The following BAHCC1 variants were observed in gnomAD, a reference collection of about 807,000 sequenced individuals.
BAHCC1 encodes the protein BAH and coiled-coil domain-containing protein 1.
In BAHCC1, 43 loss-of-function variants were observed where a neutral mutation model predicts 88.2. The observed-to-expected ratio is 0.49, with a 90% CI of 0.38 to 0.63. BAHCC1 has a LOEUF of 0.63. Ranked by LOEUF, BAHCC1 falls within the 20% of genes least tolerant of loss-of-function variation. BAHCC1 has a pLI of 0.00. For missense variants in BAHCC1, 3,023 were observed against 1,654.8 expected (o/e 1.83, Z -14.34); for synonymous variants, 1,510 against 745.5 (o/e 2.03, Z -16.71).
chr17:81,403,906 G>A (rs553459934), intron 2 of BAHCC1, among the ~76,000 whole-genome samples: 222 of 152,370 alleles, frequency 1.5e-3, no homozygotes, highest in Non-Finnish European at 2.2e-3. Flanking sequence ...AGTGGGGCTC[G>A]TGCTGCCACC....
At chr17:81,432,857 A>C (rs1399099924) in intron 3 of BAHCC1, among the ~76,000 whole-genome samples, 3 of 2,522 alleles carry the variant, frequency 1.2e-3, no homozygotes, top group African/African-American at 7.8e-3. Flanking sequence ...CCCCAGGCCC[A>C]CCCTTCCCCC....
intron 2 of BAHCC1, among the ~76,000 whole-genome samples, chr17:81,417,412 GAGA>G (rs1449823786): frequency 6.6e-6 from 1 of 152,070 alleles, no homozygotes; most frequent in South Asian, 2.1e-4. Context: ...AGAGACATGG[GAGA>G]AGGTGTGAAG....
In BAHCC1 at chr17:81,447,223, C is replaced by G. The variant is rs548323096; in HGVS notation, c.3351C>G (p.Pro1117=). The G allele has an allele frequency of 5.6e-5, 41 of 738,124 alleles. No homozygotes were observed. The highest frequency in any genetic ancestry group is 3.1e-4 in the Admixed American group (16 of 52,136). The allele number at this position is 738,124 out of a possible 1,614,324, so 45.7% of individuals were successfully genotyped here. ...PPCSPRSLEE[P]GLLSGAREAT... is the part of the protein sequence containing the mutation. Reference sequence around the variant, plus strand: ...GCAGCCCCAGGAGCCTGGAGGAGCCCGGGCTGCTCTCAGGGGCCAGGGAGG... The same window carrying G: ...GCAGCCCCAGGAGCCTGGAGGAGCCGGGGCTGCTCTCAGGGGCCAGGGAGG... Residue 1117 remains proline (P), a synonymous_variant, in exon 11 of 28, where the codon CCC becomes CCG. Coordinates refer to ENST00000675386, the MANE Select transcript of BAHCC1 (RefSeq NM_001377448.1).
At chr17:81,408,984 G>A (rs1442906517) in intron 2 of BAHCC1, among the ~76,000 whole-genome samples, 3 of 152,242 alleles carry the variant, frequency 2.0e-5, no homozygotes, top group African/African-American at 4.8e-5. Context: ...GTGTGTGGGT[G>A]TGAAGAGCTC....
In BAHCC1 at chr17:81,447,384, C is replaced by G. The variant is rs1555654806; in HGVS notation, c.3512C>G (p.Thr1171Ser). The G allele has an allele frequency of 9.5e-6, 7 of 737,792 alleles. No individual in the cohort carries two copies. Among genetic ancestry groups the G allele is most frequent in the Admixed American group, 1.9e-5 (1 of 51,854 alleles). 45.7% of individuals were successfully genotyped at this position (737,792 alleles called of 1,614,324 possible). A position where few individuals can be genotyped will look rare whatever the true frequency, so the allele number is the denominator to read the frequency against. ...CTGGAGGCAGGGGGCCCCGAGGCCA[C>G]CGGCCAGGCTCATTCTACTCAGGGA... ...ALLEAGGPEA[T>S]GQAHSTQGGA... The change falls in exon 11 of 28, where the codon ACC becomes AGC. Residue 1171 changes from threonine to serine, a missense_variant. By Grantham distance (58) the Thr-to-Ser change is moderately conservative (BLOSUM62 1). Transcript: ENST00000675386.
At chr17:81,417,555 A>ACCCCCCCCCC (rs58215427) in intron 2 of BAHCC1, among the ~76,000 whole-genome samples, 20 of 131,412 alleles carry the variant, frequency 1.5e-4, no homozygotes, top group African/African-American at 4.7e-4. Context: ...AGCGTCGGCC[A>ACCCCCCCCCC]CCCCCCCCCC....
intron 1 of BAHCC1, among the ~76,000 whole-genome samples, chr17:81,398,897 T>C (rs1206117665): frequency 7.7e-5 from 11 of 143,172 alleles, no homozygotes; most frequent in African/African-American, 2.9e-4. Context: ...GAAAGATGCA[T>C]GAGGGGGATG....
At chr17:81,396,803 C>G (rs1555644973) in intron 1 of BAHCC1, 1 of 152,304 alleles carries the variant, frequency 6.6e-6, no homozygotes, top group Non-Finnish European at 1.5e-5. Context: ...GCCCTGTGCT[C>G]CTAGGTTCAG....
chr17:81,409,234 G>C (rs1275000047), intron 2 of BAHCC1, among the ~76,000 whole-genome samples: 1 of 152,220 alleles, frequency 6.6e-6, no homozygotes, highest in African/African-American at 2.4e-5. Flanking sequence ...TTGTCATGGC[G>C]GCTCCTGAGG....
At chr17:81,408,372 T>C (rs1555647238) in intron 2 of BAHCC1, among the ~76,000 whole-genome samples, 1 of 151,942 alleles carries the variant, frequency 6.6e-6, no homozygotes, top group Non-Finnish European at 1.5e-5. Context: ...GATGCTCGGC[T>C]ACCCCAGGCC....
At chr17:81,441,600 T>G (rs546979943) in intron 4 of BAHCC1, among the ~76,000 whole-genome samples, 8 of 144,408 alleles carry the variant, frequency 5.5e-5, no homozygotes, top group Non-Finnish European at 8.9e-5. Context: ...AGGTGGAGCT[T>G]GCAGTGAGCC....
At chr17:81,450,927 G>A (rs1194283672) in intron 11 of BAHCC1, among the ~76,000 whole-genome samples, 1 of 152,130 alleles carries the variant, frequency 6.6e-6, no homozygotes, top group African/African-American at 2.4e-5. Context: ...GGTATCGAGG[G>A]GACTTGTCCC....
intron 3 of BAHCC1, among the ~76,000 whole-genome samples, chr17:81,432,894 ATCCCCAGGCCCACCCTTCCCCC>A (rs2064284295): frequency 0.062 from 350 of 5,618 alleles, 9 homozygotes; most frequent in Non-Finnish European, 0.1. Context: ...CTCCCCCCCC[ATCCCCAGGCCCACCCTTCCCCC>A]CATCCCCAGG....
intron 23 of BAHCC1, 96 bp from the exon 24 acceptor site, chr17:81,460,181 T>A: frequency 7.4e-6 from 5 of 671,522 alleles, no homozygotes; most frequent in Non-Finnish European, 1.4e-5. Flanking sequence ...CCCAGAGCCC[T>A]CCCCTCACCC....
At position 81,458,300 on chromosome 17, in the gene BAHCC1, G is replaced by GCAAGGC. The variant is rs782214089; in HGVS notation, c.5183_5188dup (p.Ala1728_Lys1729dup). ...GCGCTGGGCAAGAAGAAAGCCAAGG[G>GCAAGGC]CAAGGCCAAGGGCAGCCTGCGGGCA... On this transcript the variant is annotated inframe_insertion, in exon 18 of 28. Coordinates refer to ENST00000675386, the MANE Select transcript of BAHCC1 (RefSeq NM_001377448.1). 3 of 750,406 alleles carry GCAAGGC rather than the reference G, an allele frequency of 4.0e-6. No individual in the cohort carries two copies. In the South Asian group the frequency reaches 4.3e-5, roughly 11 times the overall value. The allele number at this position is 750,406 out of a possible 1,614,324, so 46.5% of individuals were successfully genotyped here. A position where few individuals can be genotyped will look rare whatever the true frequency, so the allele number is the denominator to read the frequency against.
chr17:81,411,069 G>T lies in BAHCC1; in HGVS notation c.178+11152G>T, dbSNP rs532287207. 1.7e-5 allele frequency: 9 copies of T among 519,040 alleles called. No individual in the cohort carries two copies. Among genetic ancestry groups the T allele is most frequent in the Non-Finnish European group, 3.5e-5 (9 of 259,728 alleles). 32.2% of individuals were successfully genotyped at this position (519,040 alleles called of 1,614,324 possible). ...CCGTGCGCCTCCCCTCGGGCCTGAGGGGTCCCTCTCTCTGGGGTCACGCTC... is the reference window on the plus strand; with the variant it reads ...CCGTGCGCCTCCCCTCGGGCCTGAGTGGTCCCTCTCTCTGGGGTCACGCTC... On this transcript the variant is annotated intron_variant, in intron 2 of 27. Transcript: ENST00000675386. This position sits in a 1 kb window ranked among gnomAD's most constrained non-coding sequence, Gnocchi z 6.2.
rs374689780 is a variant in BAHCC1, at chr17:81,459,587, C to T, written c.5888C>T (p.Pro1963Leu). The T allele has an allele frequency of 2.8e-5, 22 of 779,568 alleles. No homozygotes were observed. Among genetic ancestry groups the T allele is most frequent in the South Asian group, 4.0e-5 (3 of 74,630 alleles). The allele number at this position is 779,568 out of a possible 1,614,324, so 48.3% of individuals were successfully genotyped here. A position where few individuals can be genotyped will look rare whatever the true frequency, so the allele number is the denominator to read the frequency against. ...YWSQKSRCLY[P>L]GNVVRGASGD... ...AGTCAGAAGTCTCGATGTCTGTACC[C>T]GGGCAACGTGGTCCGGGGTAAGTTG... The change falls in exon 23 of 28, where the codon CCG (proline) becomes CTG (leucine). Residue 1963 changes from proline (P) to leucine (L), a missense_variant. Physicochemically the swap from Pro to Leu is moderately conservative, Grantham distance 98 (BLOSUM62 -3). Transcript: ENST00000675386.
chr17:81,413,968 G>T (rs1555648229), intron 2 of BAHCC1, among the ~76,000 whole-genome samples: 1 of 152,236 alleles, frequency 6.6e-6, no homozygotes, highest in African/African-American at 2.4e-5. Context: ...AGCCCACCTT[G>T]AGCTGACGCT....
chr17:81,409,721 C>T (rs544592851), intron 2 of BAHCC1, among the ~76,000 whole-genome samples: 47 of 152,152 alleles, frequency 3.1e-4, no homozygotes, highest in Admixed American at 2.7e-3. Flanking sequence ...GGGAGAAGGC[C>T]GGGTGTGAAT....
Sources: gnomAD v4.1 joint callset for allele counts (sites outside exome capture counted in the v4.1 genomes callset) on GRCh38, gnomAD v4.1.1 for gene constraint, Gnocchi (gnomAD v3.1) non-coding constraint, MANE v1.5 for transcripts, NCBI Gene and HGNC (gene_info 2026-07-23, HGNC 2026-07-21) for gene names.